The following SNRNP200 variants were observed in gnomAD, a reference collection of about 807,000 sequenced individuals.
SNRNP200 encodes the protein U5 small nuclear ribonucleoprotein 200 kDa helicase.
SNRNP200 carries 66 observed loss-of-function variants against 255.2 expected under a neutral mutation model. That is an observed-to-expected ratio of 0.26 (90% confidence interval 0.21 to 0.32). SNRNP200 has a LOEUF of 0.32. Among genes scored for constraint, SNRNP200 ranks in the 10% least tolerant of loss-of-function variants. The pLI, the probability that SNRNP200 is intolerant of heterozygous loss-of-function variation, is 1.00. For synonymous variants in SNRNP200, 939 were observed against 1,027.8 expected, an observed-to-expected ratio of 0.91 and a Z score of 1.65; for missense variants, 1,585 against 2,749.8, an observed-to-expected ratio of 0.58 and a Z score of 9.47.
rs747976069 is a variant in SNRNP200, at chr2:96,290,813, A to G, written c.2424T>C (p.Val808=). Residue 808 remains valine (V), a splice_region_variant and synonymous_variant, in exon 19 of 45, where the codon GTT becomes GTC. Coordinates refer to ENST00000323853, the MANE Select transcript of SNRNP200 (RefSeq NM_014014.5). The surrounding 1 kb of genome is among the most constrained non-coding windows in gnomAD (Gnocchi z 4.5). ...AAGCTAGAGTTGCTGTGGAAACTAA[A>G]ACCTACAGAGGCAAAACAAGGTAAT... ...EDLFADKHIQ[V]LVSTATLAWG... is the part of the protein sequence containing the mutation. The G allele has an allele frequency of 6.2e-7, 1 of 1,614,154 alleles. No homozygotes were observed. Among genetic ancestry groups the G allele is most frequent in the South Asian group, 1.1e-5 (1 of 91,074 alleles).
In SNRNP200 at chr2:96,303,257, C is replaced by G. The variant is rs766742688; in HGVS notation, c.283G>C (p.Asp95His). Residue 95 changes from aspartate (D) to histidine (H), a missense_variant, in exon 3 of 45, where the codon GAT (aspartate) becomes CAT (histidine). Around this residue, in one of 9 missense-constraint regions of SNRNP200, gnomAD observed 383 missense variants for 645.3 expected, o/e 0.59. Transcript: ENST00000323853. Reference sequence around the variant, plus strand: ...TTGTAGATGATGCCCACCATCTCATCAATGCCCTCCGACAGCAGAGTATAA... The same window carrying G: ...TTGTAGATGATGCCCACCATCTCATGAATGCCCTCCGACAGCAGAGTATAA... ...KGYTLLSEGI[D>H]EMVGIIYKPK... 1 of 1,614,214 alleles carries G rather than the reference C, an allele frequency of 6.2e-7. No individual in the cohort carries two copies. The highest frequency in any genetic ancestry group is 8.5e-7 in the Non-Finnish European group (1 of 1,180,032).
chr2:96,289,010 A>T, intron 23 of SNRNP200, 27 bp downstream of exon 23: 1 of 1,578,022 alleles, frequency 6.3e-7, no homozygotes, highest in Admixed American at 1.8e-5. Flanking sequence ...CCTCATCCTT[A>T]TCAAAGCAAA....
chr2:96,300,620 G>A (rs756731045), intron 5 of SNRNP200, among the ~76,000 whole-genome samples: 24 of 152,040 alleles, frequency 1.6e-4, no homozygotes, highest in Non-Finnish European at 3.2e-4. Flanking sequence ...AAAATTAGCC[G>A]GGCATGGTGG....
intron 2 of SNRNP200, 75 bp from the exon 3 acceptor site, chr2:96,303,405 C>T: frequency 6.5e-7 from 1 of 1,537,568 alleles, no homozygotes; most frequent in Non-Finnish European, 9.0e-7. Context: ...AGCCCACCCT[C>T]CTCTCCTCAG....
chr2:96,299,295 C>G, intron 6 of SNRNP200, 34 bp downstream of exon 6: 2 of 1,589,020 alleles, frequency 1.3e-6, no homozygotes, highest in Non-Finnish European at 1.7e-6. Flanking sequence ...CAGAAGTAAC[C>G]TTGTAGCAAT....
chr2:96,283,591 G>A lies in SNRNP200; in HGVS notation c.4707C>T (p.Thr1569=). 6.2e-7 allele frequency: 1 copy of A among 1,614,140 alleles called. No homozygotes were observed. Among genetic ancestry groups the A allele is most frequent in the Non-Finnish European group, 8.5e-7 (1 of 1,180,046 alleles). The change falls in exon 33 of 45, where the codon ACC becomes ACT. Residue 1569 remains threonine, a synonymous_variant. Coordinates refer to ENST00000323853, the MANE Select transcript of SNRNP200 (RefSeq NM_014014.5). This position sits in a 1 kb window ranked among gnomAD's most constrained non-coding sequence, Gnocchi z 4.7. ...VIVFVPSRKQ[T]RLTAIDILTT... ...TGAGGATGTCAATGGCAGTGAGGCG[G>A]GTCTGCTTGCGAGACGGCACAAAGA...
intron 13 of SNRNP200, among the ~76,000 whole-genome samples, chr2:96,296,028 G>A (rs1483781492): frequency 1.3e-5 from 2 of 152,084 alleles, no homozygotes; most frequent in African/African-American, 4.8e-5. Flanking sequence ...AGCTACCAGG[G>A]AGGCTGAAGT....
rs201322956 is a variant in SNRNP200, at chr2:96,287,148, C to T, written c.3497G>A (p.Arg1166His). The part of the protein sequence containing the change: ...LNHNEIGELI[R>H]MPKMGKTIHK... ...GATGGTCTTCCCCATCTTTGGCATG[C>T]GGATAAGCTCCCCTACAAGGAAATG... The change falls in exon 27 of 45, where the codon CGC becomes CAC. Residue 1166 changes from arginine to histidine, a missense_variant. Arg to His is a conservative substitution (Grantham distance 29). This residue lies in a region of SNRNP200 where 719 missense variants were observed against 1,091.1 expected (regional missense o/e 0.66). Coordinates refer to ENST00000323853, the MANE Select transcript of SNRNP200 (RefSeq NM_014014.5). This position sits in a 1 kb window ranked among gnomAD's most constrained non-coding sequence, Gnocchi z 5.7. 3.7e-6 allele frequency: 6 copies of T among 1,614,166 alleles called. No individual in the cohort carries two copies. The highest frequency in any genetic ancestry group is 5.1e-6 in the Non-Finnish European group (6 of 1,180,034).
At position 96,286,652 on chromosome 2, in the gene SNRNP200, G is replaced by A. The variant is rs757366987; in HGVS notation, c.3829+36C>T. On this transcript the variant is annotated intron_variant, in intron 28 of 44. Coordinates refer to ENST00000323853, the MANE Select transcript of SNRNP200 (RefSeq NM_014014.5). The surrounding 1 kb of genome is among the most constrained non-coding windows in gnomAD (Gnocchi z 4.8). ...GACATTCTTCTACTGTCCTTGGAGGGACTGTTCCTGGGGACTCTGGAGAGG... is the reference window on the plus strand; with the variant it reads ...GACATTCTTCTACTGTCCTTGGAGGAACTGTTCCTGGGGACTCTGGAGAGG... The A allele has an allele frequency of 1.2e-6, 2 of 1,609,310 alleles. No individual in the cohort carries two copies. Among genetic ancestry groups the A allele is most frequent in the African/African-American group, 2.7e-5 (2 of 74,922 alleles).
At chr2:96,284,328 C>T (rs1421741748) in intron 31 of SNRNP200, 30 bp downstream of exon 31, 18 of 1,585,402 alleles carry the variant, frequency 1.1e-5, no homozygotes, top group Non-Finnish European at 1.6e-5. Context: ...AGTCCCAGTC[C>T]CTCATCTGTG....
chr2:96,301,083 G>T lies in SNRNP200; in HGVS notation c.575-30C>A, dbSNP rs774328232. On this transcript the variant is annotated intron_variant, in intron 4 of 44. Transcript: ENST00000323853. ...AACAATGAAGGATTAGAAAAAGAGG[G>T]CAGTGAATGGCTAGTAAAACAAGGC... 5.6e-6 allele frequency: 9 copies of T among 1,599,830 alleles called. No homozygotes were observed. The Admixed American group carries it at 1.3e-4, about 24-fold the overall frequency.
At chr2:96,292,470 A>C (rs908616525) in intron 16 of SNRNP200, among the ~76,000 whole-genome samples, 1 of 152,322 alleles carries the variant, frequency 6.6e-6, no homozygotes, top group Non-Finnish European at 1.5e-5. Flanking sequence ...CTCGACTTTC[A>C]ATTTAAAAAT....
chr2:96,302,132 C>A (rs2063957564), intron 3 of SNRNP200, among the ~76,000 whole-genome samples: 1 of 152,244 alleles, frequency 6.6e-6, no homozygotes, highest in Non-Finnish European at 1.5e-5. Context: ...CTATCTGGAT[C>A]ATATCTTGGC....
chr2:96,290,060 C>A lies in SNRNP200; in HGVS notation c.2743-64G>T, dbSNP rs2063874916. 3 of 1,475,108 alleles carry A rather than the reference C, an allele frequency of 2.0e-6. No homozygotes were observed. Among genetic ancestry groups the A allele is most frequent in the South Asian group, 1.1e-5 (1 of 87,826 alleles). The allele number at this position is 1,475,108 out of a possible 1,614,324, so 91.4% of individuals were successfully genotyped here. A position where few individuals can be genotyped will look rare whatever the true frequency, so the allele number is the denominator to read the frequency against. On this transcript the variant is annotated intron_variant, in intron 20 of 44. Coordinates refer to ENST00000323853, the MANE Select transcript of SNRNP200 (RefSeq NM_014014.5). The surrounding 1 kb of genome is among the most constrained non-coding windows in gnomAD (Gnocchi z 4.5). ...TCTTGATGTCCAAATGACAGGCTCC[C>A]ATGAATTGCTTAGAAATTAATTCCC... is the stretch of plus-strand genomic sequence containing the variant.
rs1268093906 is a variant in SNRNP200, at chr2:96,304,871, G to A, written c.46-3C>T. 3 of 1,613,892 alleles carry A rather than the reference G, an allele frequency of 1.9e-6. No homozygotes were observed. ...GCTTGGAGCACAAGATTCGAGTTCTGAAAAGATCAAAACATTATTGAAGCT... is the reference window on the plus strand; with the variant it reads ...GCTTGGAGCACAAGATTCGAGTTCTAAAAAGATCAAAACATTATTGAAGCT... On this transcript the variant is annotated splice_region_variant and splice_polypyrimidine_tract_variant and intron_variant, in intron 1 of 44. Coordinates refer to ENST00000323853, the MANE Select transcript of SNRNP200 (RefSeq NM_014014.5).
In SNRNP200 at chr2:96,278,082, G is replaced by T; in HGVS notation, c.5611-132C>A. 6.5e-7 allele frequency: 1 copy of T among 1,527,634 alleles called. No individual in the cohort carries two copies. The highest frequency in any genetic ancestry group is 9.1e-7 in the Non-Finnish European group (1 of 1,104,340). The allele number at this position is 1,527,634 out of a possible 1,614,324, so 94.6% of individuals were successfully genotyped here. On this transcript the variant is annotated intron_variant, in intron 39 of 44. Coordinates refer to ENST00000323853, the MANE Select transcript of SNRNP200 (RefSeq NM_014014.5). The surrounding 1 kb of genome is among the most constrained non-coding windows in gnomAD (Gnocchi z 6.9). ...TGAGGCATGTGGGTGGTAATGGGAT[G>T]GAGATGGGTTTGAGGGAGGTATGGA...
chr2:96,279,890 TA>T (rs1192374374), intron 35 of SNRNP200: 8 of 324,966 alleles, frequency 2.5e-5, no homozygotes, highest in Non-Finnish European at 3.6e-5. Context: ...CTCCTTTAAT[TA>T]AAAAAAATTA....
At position 96,281,841 on chromosome 2, in the gene SNRNP200, G is replaced by T; in HGVS notation, c.4997C>A (p.Thr1666Asn). The change falls in exon 35 of 45, where the codon ACC becomes AAC. Residue 1666 changes from threonine (T) to asparagine (N), a missense_variant. Thr to Asn is a moderately conservative substitution (Grantham distance 65). This residue lies in a region of SNRNP200 where 719 missense variants were observed against 1,091.1 expected (regional missense o/e 0.66). Coordinates refer to ENST00000323853, the MANE Select transcript of SNRNP200 (RefSeq NM_014014.5). ...VAAHLVIIMD[T>N]QYYNGKIHAY... ...GTGGATCTTGCCATTGTAGTACTGGGTATCCATGATGATTACCAGGTGGGC... is the reference window on the plus strand; with the variant it reads ...GTGGATCTTGCCATTGTAGTACTGGTTATCCATGATGATTACCAGGTGGGC... The T allele has an allele frequency of 9.9e-6, 16 of 1,613,912 alleles. No homozygotes were observed. Among genetic ancestry groups the T allele is most frequent in the Non-Finnish European group, 1.4e-5 (16 of 1,179,804 alleles).
intron 29 of SNRNP200, among the ~76,000 whole-genome samples, chr2:96,285,693 C>G (rs1375131962): frequency 1.3e-5 from 2 of 152,224 alleles, no homozygotes; most frequent in African/African-American, 4.8e-5. Flanking sequence ...TTCTCTGCCC[C>G]TTCAACACTC....
Sources: allele counts gnomAD v4.1 joint callset (sites outside exome capture counted in the v4.1 genomes callset), GRCh38; gene constraint gnomAD v4.1.1; regional missense constraint gnomAD v4.1.1; non-coding constraint Gnocchi (gnomAD v3.1); transcripts MANE v1.5; gene names NCBI Gene and HGNC (gene_info 2026-07-23, HGNC 2026-07-21).